The following DAAM1 variants were observed in gnomAD, a reference collection of about 807,000 sequenced individuals.
The protein encoded by DAAM1 is disheveled-associated activator of morphogenesis 1.
DAAM1 carries 52 observed loss-of-function variants against 130.0 expected under a neutral mutation model. The observed-to-expected ratio is 0.40, with a 90% CI of 0.32 to 0.50. DAAM1 has a LOEUF of 0.50. DAAM1 is among the 20% of genes least tolerant of loss of function. The pLI is 0.61. For missense variants in DAAM1, 1,134 were observed against 1,303.8 expected (o/e 0.87, Z 2.01); for synonymous variants, 452 against 444.5 (o/e 1.02, Z -0.21).
intron 1 of DAAM1, among the ~76,000 whole-genome samples, chr14:59,190,956 C>T (rs1268582402): frequency 2.6e-5 from 4 of 152,240 alleles, no homozygotes; most frequent in Non-Finnish European, 1.5e-5. Flanking sequence ...CTGGACCCTT[C>T]TAATTATACT....
chr14:59,219,038 C>G (rs1026572641), intron 1 of DAAM1, among the ~76,000 whole-genome samples: 1 of 152,200 alleles, frequency 6.6e-6, no homozygotes, highest in Non-Finnish European at 1.5e-5. Flanking sequence ...TGGAAAGACC[C>G]TTTCTAGTTT....
At chr14:59,277,000 T>C (rs951854361) in intron 2 of DAAM1, among the ~76,000 whole-genome samples, 5 of 152,214 alleles carry the variant, frequency 3.3e-5, no homozygotes, top group Admixed American at 2.6e-4. Flanking sequence ...GAAATAGATA[T>C]CCTGAATTTC....
intron 1 of DAAM1, among the ~76,000 whole-genome samples, chr14:59,210,886 T>C (rs951235736): frequency 6.6e-6 from 1 of 152,236 alleles, no homozygotes; most frequent in African/African-American, 2.4e-5. Context: ...GAGAAGTTTA[T>C]ATTATAATGA....
intron 15 of DAAM1, among the ~76,000 whole-genome samples, chr14:59,332,884 G>A (rs911538243): frequency 2.0e-5 from 3 of 152,042 alleles, no homozygotes; most frequent in Admixed American, 6.5e-5. Context: ...GGCCTCTTAC[G>A]GGGCTTTCCT....
chr14:59,334,671 G>A (rs1885557926), intron 15 of DAAM1, among the ~76,000 whole-genome samples: 1 of 152,028 alleles, frequency 6.6e-6, no homozygotes, highest in South Asian at 2.1e-4. Flanking sequence ...GACACTTAGG[G>A]GATATATACA....
chr14:59,331,259 A>G lies in DAAM1; in HGVS notation c.1611A>G (p.Gly537=), dbSNP rs926375937. The G allele has an allele frequency of 5.0e-6, 8 of 1,612,708 alleles. No individual in the cohort carries two copies. The highest frequency in any genetic ancestry group is 5.9e-6 in the Non-Finnish European group (7 of 1,179,948). Residue 537 remains glycine (G), a synonymous_variant, in exon 14 of 25, where the codon GGA becomes GGG. Transcript: ENST00000360909. ...GTGGACCCTCGCCTGGAGCACCAGG[A>G]GGGCCCTTTCCTTCCTCTGTGCCTG... ...IPGGPSPGAP[G]GPFPSSVPGS...
rs72238797 is a variant in DAAM1 at position 59,369,753 on chromosome 14, T to TAAAAAAAAAAAA, written c.*907_*918dup. On this transcript the variant is annotated 3_prime_UTR_variant, in exon 25 of 25. Coordinates refer to ENST00000360909, the MANE Select transcript of DAAM1 (RefSeq NM_001270520.2). Reference sequence around the variant, plus strand: ...AATTCTCTGAAGGGATAAAGATTACTAAAAAAAAAAAAAAAAAAAAAAAAT... The same window carrying TAAAAAAAAAAAA: ...AATTCTCTGAAGGGATAAAGATTACTAAAAAAAAAAAAAAAAAAAAAAAAAAAAAAAAAAAAT... 3.1e-5 allele frequency: 3 copies of TAAAAAAAAAAAA among 95,656 alleles called. No homozygotes were observed. Among genetic ancestry groups the TAAAAAAAAAAAA allele is most frequent in the East Asian group, 3.0e-4 (1 of 3,354 alleles). 5.9% of individuals were successfully genotyped at this position (95,656 alleles called of 1,614,324 possible).
intron 18 of DAAM1, among the ~76,000 whole-genome samples, chr14:59,353,533 A>G (rs1342974656): frequency 2.6e-5 from 4 of 152,186 alleles, no homozygotes; most frequent in African/African-American, 9.7e-5. Context: ...TATCTCTTCT[A>G]TGCTCAAAAG....
At chr14:59,368,348 C>A (rs1162051769) in intron 24 of DAAM1, among the ~76,000 whole-genome samples, 1 of 151,466 alleles carries the variant, frequency 6.6e-6, no homozygotes, top group African/African-American at 2.4e-5. Flanking sequence ...TTTTAATTTT[C>A]ATTAGCAGAA....
chr14:59,266,788 C>G (rs188890032), intron 2 of DAAM1, among the ~76,000 whole-genome samples: 2 of 152,162 alleles, frequency 1.3e-5, no homozygotes, highest in Admixed American at 6.5e-5. Context: ...CCTGGTACAG[C>G]GGAGGGAGGC....
intron 1 of DAAM1, among the ~76,000 whole-genome samples, chr14:59,222,989 G>T (rs115180600): frequency 6.6e-6 from 1 of 152,242 alleles, no homozygotes; most frequent in Non-Finnish European, 1.5e-5. Context: ...CACAGGGAAC[G>T]GCTATAATAC....
At chr14:59,352,698 T>C (rs1054927557) in intron 18 of DAAM1, 66 bp downstream of exon 18, 1 of 1,424,248 alleles carries the variant, frequency 7.0e-7, no homozygotes, top group Non-Finnish European at 9.7e-7. Context: ...GAATTTTCAA[T>C]TCATGTTGAA....
In DAAM1 at chr14:59,369,367, G is replaced by C. The variant is rs1887054911; in HGVS notation, c.*508G>C. 6.5e-6 allele frequency: 1 copy of C among 153,088 alleles called. No individual in the cohort carries two copies. The highest frequency in any genetic ancestry group is 2.4e-5 in the African/African-American group (1 of 41,436). The allele number at this position is 153,088 out of a possible 1,614,324, so 9.5% of individuals were successfully genotyped here. A position where few individuals can be genotyped will look rare whatever the true frequency, so the allele number is the denominator to read the frequency against. On this transcript the variant is annotated 3_prime_UTR_variant, in exon 25 of 25. Transcript: ENST00000360909. ...AGATTTAAAATGATTTTTGATAGCT[G>C]ACATTGTGATGTTGATGTATCACAT...
intron 2 of DAAM1, among the ~76,000 whole-genome samples, chr14:59,274,765 T>G (rs1206581905): frequency 6.6e-6 from 1 of 152,220 alleles, no homozygotes; most frequent in Non-Finnish European, 1.5e-5. Flanking sequence ...GGCTGATTCT[T>G]ATACTCTGCC....
At chr14:59,318,291 G>C (rs1289312878) in intron 4 of DAAM1, among the ~76,000 whole-genome samples, 1 of 151,696 alleles carries the variant, frequency 6.6e-6, no homozygotes, top group Non-Finnish European at 1.5e-5. Flanking sequence ...CTAAGTTCCA[G>C]ACTCCCAGCA....
Position 59,263,614 on chromosome 14 carries a change from C to T in DAAM1, c.137C>T (p.Pro46Leu). 2 of 1,614,198 alleles carry T rather than the reference C, an allele frequency of 1.2e-6. No individual in the cohort carries two copies. Among genetic ancestry groups the T allele is most frequent in the East Asian group, 4.5e-5 (2 of 44,886 alleles). ...FALQTMEPAL[P>L]MPPVEELDVM... ...CTTCAGACCATGGAACCAGCATTGC[C>T]CATGCCCCCTGTGGAGGAGCTGGAT... Residue 46 changes from proline to leucine, a missense_variant, in exon 2 of 25, where the codon CCC becomes CTC. Pro to Leu is a moderately conservative substitution (Grantham distance 98, BLOSUM62 -3). Coordinates refer to ENST00000360909, the MANE Select transcript of DAAM1 (RefSeq NM_001270520.2).
chr14:59,201,160 CAAAAAAAAA>C (rs71111617), intron 1 of DAAM1, among the ~76,000 whole-genome samples: 2 of 68,858 alleles, frequency 2.9e-5, no homozygotes, highest in Admixed American at 1.8e-4. Context: ...GACTCCGTCT[CAAAAAAAAA>C]AAAAAAAAAA....
chr14:59,267,243 T>C (rs1482064786), intron 2 of DAAM1, among the ~76,000 whole-genome samples: 8 of 152,208 alleles, frequency 5.3e-5, no homozygotes, highest in Non-Finnish European at 1.2e-4. Flanking sequence ...CCTCATCTCA[T>C]GAGTCACTCA....
At chr14:59,206,322 C>G (rs1276308942) in intron 1 of DAAM1, among the ~76,000 whole-genome samples, 1 of 152,116 alleles carries the variant, frequency 6.6e-6, no homozygotes, top group East Asian at 1.9e-4. Flanking sequence ...GTCGCCCAGT[C>G]TGGAGTACAG....
Sources: allele counts gnomAD v4.1 joint callset (sites outside exome capture counted in the v4.1 genomes callset), GRCh38; gene constraint gnomAD v4.1.1; transcripts MANE v1.5; gene names NCBI Gene and HGNC (gene_info 2026-07-23, HGNC 2026-07-21).